The following CBLB variants were observed in gnomAD, a reference collection of about 807,000 sequenced individuals.
CBLB encodes the protein Cbl proto-oncogene B, also known as E3 ubiquitin-protein ligase CBL-B.
In CBLB, 31 loss-of-function variants were observed where a neutral mutation model predicts 104.9. The observed-to-expected ratio is 0.30, with a 90% CI of 0.22 to 0.40. The LOEUF (loss-of-function observed/expected upper bound fraction) is 0.40. CBLB is among the 10% of genes least tolerant of loss of function. The pLI is 1.00. For synonymous variants in CBLB, 440 were observed against 422.6 expected (o/e 1.04, Z -0.51); for missense variants, 1,062 against 1,214.6 (o/e 0.87, Z 1.87).
chr3:105,688,880 C>G (rs2067327620), intron 13 of CBLB, among the ~76,000 whole-genome samples: 1 of 152,056 alleles, frequency 6.6e-6, no homozygotes, highest in African/African-American at 2.4e-5. Flanking sequence ...TAAGCATTTT[C>G]ACTAACTTGT....
chr3:105,700,066 A>G (rs1218582693), intron 12 of CBLB, among the ~76,000 whole-genome samples: 1 of 152,194 alleles, frequency 6.6e-6, no homozygotes, highest in Non-Finnish European at 1.5e-5. Context: ...ATCTGTTTCA[A>G]TGATCACAAC....
At chr3:105,700,862 G>C (rs146130273) in intron 12 of CBLB, among the ~76,000 whole-genome samples, 5 of 152,200 alleles carry the variant, frequency 3.3e-5, no homozygotes, top group Non-Finnish European at 7.3e-5. Context: ...TCCACACACA[G>C]AGGAGCTGAG....
At chr3:105,712,197 T>A (rs2071212923) in intron 10 of CBLB, among the ~76,000 whole-genome samples, 1 of 152,182 alleles carries the variant, frequency 6.6e-6, no homozygotes, top group African/African-American at 2.4e-5. Context: ...AGTTTTGTAT[T>A]TTACTTTAAA....
chr3:105,778,382 C>A (rs1484889156), intron 3 of CBLB, among the ~76,000 whole-genome samples: 1 of 151,968 alleles, frequency 6.6e-6, no homozygotes, highest in Admixed American at 6.6e-5. Flanking sequence ...TTAATATGCA[C>A]CTGACAATAA....
Position 105,658,392 on chromosome 3 carries a change from CTT to C in CBLB, c.*576_*577del, listed in dbSNP as rs35312427. On this transcript the variant is annotated 3_prime_UTR_variant, in exon 19 of 19. Transcript: ENST00000394030. ...GAAACTCAGTAGTGAAGAATACATA[CTT>C]TTTTTTTTTTGCATTAGTTTGATCA... The C allele has an allele frequency of 2.5e-3, 511 of 206,636 alleles. No homozygotes were observed. Among genetic ancestry groups the C allele is most frequent in the East Asian group, 4.7e-3 (63 of 13,460 alleles). The allele number at this position is 206,636 out of a possible 1,614,324, so 12.8% of individuals were successfully genotyped here. A position where few individuals can be genotyped will look rare whatever the true frequency, so the allele number is the denominator to read the frequency against.
chr3:105,776,678 T>C, intron 3 of CBLB, 136 bp from the exon 4 acceptor site: 1 of 778,362 alleles, frequency 1.3e-6, no homozygotes, highest in Non-Finnish European at 2.1e-6. Context: ...CACGAAAACC[T>C]CAACTTAATG....
At chr3:105,714,377 T>C (rs2071535505) in intron 10 of CBLB, among the ~76,000 whole-genome samples, 1 of 152,186 alleles carries the variant, frequency 6.6e-6, no homozygotes, top group Non-Finnish European at 1.5e-5. Context: ...CTATAATATA[T>C]AATGAAATAA....
At chr3:105,668,129 T>G (rs922387499) in intron 18 of CBLB, among the ~76,000 whole-genome samples, 1 of 152,208 alleles carries the variant, frequency 6.6e-6, no homozygotes, top group African/African-American at 2.4e-5. Flanking sequence ...ATTGAAATAT[T>G]TGATGTTACA....
In CBLB at chr3:105,782,578, CTTTTT is replaced by C. The variant is rs11333516; in HGVS notation, c.420-6041_420-6037del. 5.3e-3 allele frequency among the ~76,000 whole-genome samples: 723 copies of C among 137,464 alleles called. 17 individuals are homozygous for C. The highest frequency in any genetic ancestry group is 0.05 in the East Asian group (234 of 4,666). 90.2% of individuals were successfully genotyped at this position (137,464 alleles called of 152,430 possible). ...TCTCTCTGTAGTATTCTTTTCTTTTCTTTTTTTTTTTTTTTTTTTTTTTTTGATAC... is the reference window on the plus strand; with the variant it reads ...TCTCTCTGTAGTATTCTTTTCTTTTCTTTTTTTTTTTTTTTTTTTTGATAC... On this transcript the variant is annotated intron_variant, in intron 3 of 18. Coordinates refer to ENST00000394030, the MANE Select transcript of CBLB (RefSeq NM_170662.5).
intron 4 of CBLB, among the ~76,000 whole-genome samples, chr3:105,757,520 G>A (rs1461632154): frequency 6.6e-6 from 1 of 152,150 alleles, no homozygotes; most frequent in Non-Finnish European, 1.5e-5. Context: ...CTGGGTAGGA[G>A]ATAAACATGG....
intron 13 of CBLB, among the ~76,000 whole-genome samples, chr3:105,690,098 T>C (rs2067487047): frequency 6.6e-6 from 1 of 152,210 alleles, no homozygotes; most frequent in African/African-American, 2.4e-5. Context: ...TTAACAATTC[T>C]ATTTCAGTAA....
intron 18 of CBLB, among the ~76,000 whole-genome samples, chr3:105,662,156 C>T (rs564873809): frequency 1.5e-4 from 23 of 152,212 alleles, no homozygotes; most frequent in East Asian, 9.6e-4. Flanking sequence ...TGCTTAGAAC[C>T]GATTACTCTT....
intron 2 of CBLB, among the ~76,000 whole-genome samples, chr3:105,864,809 C>A (rs1437211665): frequency 6.6e-6 from 1 of 152,160 alleles, no homozygotes; most frequent in Non-Finnish European, 1.5e-5. Flanking sequence ...TACATACTCA[C>A]TAGATATTTC....
intron 2 of CBLB, among the ~76,000 whole-genome samples, chr3:105,858,207 G>A (rs1012492244): frequency 3.9e-5 from 6 of 152,164 alleles, no homozygotes; most frequent in African/African-American, 1.4e-4. Flanking sequence ...GTATGCCACT[G>A]GGTGCGCAGT....
intron 3 of CBLB, among the ~76,000 whole-genome samples, chr3:105,841,759 C>A (rs766536390): frequency 1.3e-5 from 2 of 151,974 alleles, no homozygotes; most frequent in Non-Finnish European, 2.9e-5. Flanking sequence ...AGCCCAGAAC[C>A]CAAGATTTTA....
intron 3 of CBLB, 96 bp from the exon 4 acceptor site, chr3:105,776,638 T>C: frequency 1.7e-6 from 2 of 1,161,712 alleles, no homozygotes; most frequent in Non-Finnish European, 2.5e-6. Flanking sequence ...CAATGTTATG[T>C]ATGTATCAAC....
At chr3:105,762,103 G>A (rs1838045) in intron 4 of CBLB, 150,118 of 152,618 alleles carry the variant, frequency 0.98, 73,879 homozygotes, top group East Asian at 1. Context: ...GCAGCAAAGC[G>A]TTCAAGAGGT....
At chr3:105,841,107 A>T (rs1187664992) in intron 3 of CBLB, among the ~76,000 whole-genome samples, 1 of 152,066 alleles carries the variant, frequency 6.6e-6, no homozygotes, top group Non-Finnish European at 1.5e-5. Flanking sequence ...CAGTCTGGCC[A>T]ACATGGTGAA....
At chr3:105,830,177 C>T (rs2087268832) in intron 3 of CBLB, among the ~76,000 whole-genome samples, 1 of 152,146 alleles carries the variant, frequency 6.6e-6, no homozygotes, top group Admixed American at 6.5e-5. Context: ...TCCAGGGTAT[C>T]GTTACCTTAC....
Sources: gnomAD v4.1 joint callset for allele counts (sites outside exome capture counted in the v4.1 genomes callset) on GRCh38, gnomAD v4.1.1 for gene constraint, MANE v1.5 for transcripts, NCBI Gene and HGNC (gene_info 2026-07-23, HGNC 2026-07-21) for gene names.